C10orf105: variants seen among roughly 807,000 people sequenced by gnomAD.
C10orf105 encodes chromosome 10 open reading frame 105, also known as uncharacterized protein C10orf105.
A neutral mutation model predicts 0.6 loss-of-function variants in C10orf105; 2 were observed. The observed-to-expected ratio is 3.18, with a 90% CI of 1.30 to 10.01. The LOEUF (loss-of-function observed/expected upper bound fraction) is 10.01, where lower values mean the gene tolerates loss of function less well. Among genes scored for constraint, C10orf105 ranks in the 30% most tolerant of loss-of-function variants. The pLI, the probability that C10orf105 is intolerant of heterozygous loss-of-function variation, is 0.04. For missense variants in C10orf105, 209 were observed against 191.4 expected (o/e 1.09, Z -0.54); for synonymous variants, 95 against 82.4 (o/e 1.15, Z -0.83).
chr10:71,725,900 G>A (rs1439351946), intron 1 of C10orf105, among the ~76,000 whole-genome samples: 1 of 152,146 alleles, frequency 6.6e-6, no homozygotes, highest in Non-Finnish European at 1.5e-5. Flanking sequence ...CTGAGGCACA[G>A]AGAAGTTGCT....
chr10:71,736,206 GCCCACC>G (rs550820864), intron 1 of C10orf105, among the ~76,000 whole-genome samples: 2 of 152,222 alleles, frequency 1.3e-5, no homozygotes, highest in Non-Finnish European at 2.9e-5. Context: ...GGTTAGCAGG[GCCCACC>G]CCCTTTTGTT....
Position 71,719,666 on chromosome 10 carries a change from G to C in C10orf105, c.-45C>G, listed in dbSNP as rs895249495. ...CCAGCCGTCCGGAGCTCCGTGGAGA[G>C]GTCTTCTCAGCTGTGGAAGGGAGGC... On this transcript the variant is annotated 5_prime_UTR_variant, in exon 1 of 2. Coordinates refer to ENST00000441508, the MANE Select transcript of C10orf105 (RefSeq NM_001164375.3). 1 of 152,750 alleles carries C rather than the reference G, an allele frequency of 6.5e-6. No individual in the cohort carries two copies. The highest frequency in any genetic ancestry group is 1.5e-5 in the Non-Finnish European group (1 of 68,498). 9.5% of individuals were successfully genotyped at this position (152,750 alleles called of 1,614,324 possible).
At chr10:71,724,476 G>A (rs376965200), upstream of C10orf105, among the ~76,000 whole-genome samples, 31 of 152,302 alleles carry the variant, frequency 2.0e-4, 1 homozygote, top group South Asian at 4.8e-3. Flanking sequence ...GTAATTTTTT[G>A]TGCTTTTAGT....
In C10orf105 at chr10:71,713,073, A is replaced by G. The variant is rs1866049541; in HGVS notation, c.*2863T>C. On this transcript the variant is annotated 3_prime_UTR_variant, in exon 2 of 2. Transcript: ENST00000441508. ...GGAGGAAGACTTGGCCTCCCCCTGC[A>G]TATCTCCCGCCCCACCCAGAAGGGC... The G allele has an allele frequency of 5.3e-6, 4 of 748,292 alleles. No homozygotes were observed. The highest frequency in any genetic ancestry group is 1.7e-5 in the African/African-American group (1 of 58,262). The allele number at this position is 748,292 out of a possible 1,614,324, so 46.4% of individuals were successfully genotyped here.
At position 71,712,588 on chromosome 10, in the gene C10orf105, G is replaced by A. The variant is rs1009852171; in HGVS notation, c.*3348C>T. 41 of 1,549,930 alleles carry A rather than the reference G, an allele frequency of 2.6e-5. No individual in the cohort carries two copies. The highest frequency in any genetic ancestry group is 3.5e-5 in the Non-Finnish European group (40 of 1,135,534). Reference sequence around the variant, plus strand: ...CAGGGCACCTCTCTGGCCGGTGCCCGGGAGTGTGCAAAGTCACAGGAAGTG... The same window carrying A: ...CAGGGCACCTCTCTGGCCGGTGCCCAGGAGTGTGCAAAGTCACAGGAAGTG... On this transcript the variant is annotated 3_prime_UTR_variant, in exon 2 of 2. Transcript: ENST00000441508.
At chr10:71,724,175 C>T (rs924961157), upstream of C10orf105, 6 of 1,512,628 alleles carry the variant, frequency 4.0e-6, no homozygotes, top group Non-Finnish European at 4.5e-6. Context: ...CTCTAGGCTG[C>T]CAAAGGTCTG....
At chr10:71,717,793 A>G (rs1162205641) in intron 1 of C10orf105, 5 of 152,242 alleles carry the variant, frequency 3.3e-5, no homozygotes, top group African/African-American at 4.8e-5. Flanking sequence ...TTAAAGGCAA[A>G]CATTCTAGAC....
upstream of C10orf105, among the ~76,000 whole-genome samples, chr10:71,720,571 C>T (rs1002236665): frequency 1.3e-5 from 2 of 152,212 alleles, no homozygotes; most frequent in Non-Finnish European, 2.9e-5. Context: ...CCCAGAAATG[C>T]AACTCAAGAC....
rs1231467470 is a variant in C10orf105, at chr10:71,712,189, C to T, written c.*3747G>A. 1 of 157,734 alleles carries T rather than the reference C, an allele frequency of 6.3e-6. No individual in the cohort carries two copies. Among genetic ancestry groups the T allele is most frequent in the Non-Finnish European group, 1.4e-5 (1 of 70,992 alleles). The allele number at this position is 157,734 out of a possible 1,614,324, so 9.8% of individuals were successfully genotyped here. ...GTCTCAAATGTCCCTCTGCCTTTCTCTTGTAAGGACACTTGCCATTGGGTT... is the reference window on the plus strand; with the variant it reads ...GTCTCAAATGTCCCTCTGCCTTTCTTTTGTAAGGACACTTGCCATTGGGTT... On this transcript the variant is annotated 3_prime_UTR_variant, in exon 2 of 2. Transcript: ENST00000441508.
chr10:71,727,658 C>T (rs1328192138), intron 1 of C10orf105, among the ~76,000 whole-genome samples: 1 of 152,146 alleles, frequency 6.6e-6, no homozygotes, highest in Admixed American at 6.5e-5. Flanking sequence ...GTGTTCACGA[C>T]ACATACACAC....
chr10:71,716,577 C>A (rs972554752), intron 1 of C10orf105: 37 of 429,506 alleles, frequency 8.6e-5, no homozygotes, highest in African/African-American at 6.7e-4. Flanking sequence ...TCCTGTTCCA[C>A]CCTGTGCCCA....
intron 1 of C10orf105, among the ~76,000 whole-genome samples, chr10:71,727,088 C>T (rs569234464): frequency 1.1e-4 from 17 of 152,314 alleles, no homozygotes; most frequent in South Asian, 2.1e-4. Context: ...CACACGTGCC[C>T]GATATTTTTC....
intron 1 of C10orf105, chr10:71,734,513 G>C: frequency 2.5e-6 from 4 of 1,590,740 alleles, no homozygotes; most frequent in Non-Finnish European, 3.4e-6. Context: ...AGCAGGTTGG[G>C]CTAGGATGAG....
At chr10:71,730,069 C>T (rs996915099) in intron 1 of C10orf105, among the ~76,000 whole-genome samples, 5 of 152,068 alleles carry the variant, frequency 3.3e-5, no homozygotes, top group African/African-American at 4.8e-5. Context: ...CTTCTGACCT[C>T]GTGATCTGCC....
intron 1 of C10orf105, chr10:71,734,582 G>A (rs1839502531): frequency 6.2e-7 from 1 of 1,601,990 alleles, no homozygotes; most frequent in Admixed American, 1.7e-5. Context: ...GGGTCTGGAA[G>A]AGCCACAGAC....
At chr10:71,718,878 G>A (rs1866417662) in intron 1 of C10orf105, among the ~76,000 whole-genome samples, 2 of 151,914 alleles carry the variant, frequency 1.3e-5, no homozygotes, top group South Asian at 4.2e-4. Context: ...AACAGCCTGG[G>A]CAACATAGTG....
chr10:71,716,488 G>T (rs1201284060), intron 1 of C10orf105, 146 bp from the exon 2 acceptor site: 7 of 632,374 alleles, frequency 1.1e-5, no homozygotes, highest in African/African-American at 1.9e-5. Flanking sequence ...GGTTAAGACA[G>T]CAAGGTCCAG....
At chr10:71,729,567 G>C (rs568278655) in intron 1 of C10orf105, among the ~76,000 whole-genome samples, 3 of 152,324 alleles carry the variant, frequency 2.0e-5, no homozygotes, top group Middle Eastern at 3.4e-3. Context: ...CCAACAGCCC[G>C]GGTGTGGGTG....
chr10:71,729,683 C>T (rs1839290924), intron 1 of C10orf105, among the ~76,000 whole-genome samples: 1 of 152,302 alleles, frequency 6.6e-6, no homozygotes, highest in Non-Finnish European at 1.5e-5. Flanking sequence ...TCTACTACAA[C>T]TGCCATTGTA....
Sources: allele counts gnomAD v4.1 joint callset (sites outside exome capture counted in the v4.1 genomes callset), GRCh38; gene constraint gnomAD v4.1.1; transcripts MANE v1.5; gene names NCBI Gene and HGNC (gene_info 2026-07-23, HGNC 2026-07-21).